The following CLEC6A variants were observed in gnomAD, a reference collection of about 807,000 sequenced individuals.
CLEC6A encodes C-type lectin domain family 6 member A.
Under a neutral mutation model 25.7 loss-of-function variants are expected in CLEC6A, and 22 were observed. The observed-to-expected ratio is 0.85, with a 90% CI of 0.61 to 1.22. The LOEUF is 1.22. Among genes scored for constraint, CLEC6A ranks in the 50% most tolerant of loss-of-function variants. The pLI, the probability that CLEC6A is intolerant of heterozygous loss-of-function variation, is 0.00. For missense variants in CLEC6A, 240 were observed against 236.8 expected, an observed-to-expected ratio of 1.01 and a Z score of -0.09; for synonymous variants, 92 against 76.7, an observed-to-expected ratio of 1.20 and a Z score of -1.04.
chr12:8,474,950 G>A (rs971672414), intron 4 of CLEC6A, among the ~76,000 whole-genome samples: 3 of 151,858 alleles, frequency 2.0e-5, no homozygotes, highest in African/African-American at 7.3e-5. Flanking sequence ...TTGTTACATA[G>A]GTATACATGT....
At position 8,459,664 on chromosome 12, in the gene CLEC6A, T is replaced by A; in HGVS notation, c.189T>A (p.Ser63Arg). The change falls in exon 3 of 6, where the codon AGT (serine) becomes AGA (arginine). Residue 63 changes from serine (S) to arginine (R), a missense_variant. Coordinates refer to ENST00000382073, the MANE Select transcript of CLEC6A (RefSeq NM_001007033.2). ...RLSELHSYHS[S>R]LTCFSEGTKV... is the part of the protein sequence containing the mutation. Reference sequence around the variant, plus strand: ...CTGAACTACACTCATATCATTCAAGTCTCACCTGCTTCAGTGAAGGGACAA... The same window carrying A: ...CTGAACTACACTCATATCATTCAAGACTCACCTGCTTCAGTGAAGGGACAA... 2 of 1,613,310 alleles carry A rather than the reference T, an allele frequency of 1.2e-6. No homozygotes were observed. Among genetic ancestry groups the A allele is most frequent in the Non-Finnish European group, 1.7e-6 (2 of 1,179,242 alleles).
At chr12:8,456,699 A>G (rs150116413) in intron 1 of CLEC6A, among the ~76,000 whole-genome samples, 1 of 152,350 alleles carries the variant, frequency 6.6e-6, no homozygotes, top group African/African-American at 2.4e-5. Flanking sequence ...ACACAAGAAT[A>G]TGATGCGTAA....
At chr12:8,460,862 G>T in intron 3 of CLEC6A, 2 of 899,348 alleles carry the variant, frequency 2.2e-6, no homozygotes, top group Non-Finnish European at 1.9e-6. Flanking sequence ...ACAACTTACC[G>T]CAAGCCTGTC....
chr12:8,475,386 G>A (rs768015390), intron 4 of CLEC6A, among the ~76,000 whole-genome samples: 1 of 151,566 alleles, frequency 6.6e-6, no homozygotes, highest in East Asian at 1.9e-4. Context: ...ACACTCATAT[G>A]TATATATGAA....
In CLEC6A at chr12:8,460,835, G is replaced by T; in HGVS notation, c.223+1137G>T. Reference sequence around the variant, plus strand: ...CGTGTTAGCCCTGGTGGCCAAAAACGCCCAGTTCCTAAGGGTACAACTTAC... The same window carrying T: ...CGTGTTAGCCCTGGTGGCCAAAAACTCCCAGTTCCTAAGGGTACAACTTAC... On this transcript the variant is annotated intron_variant, in intron 3 of 5. Coordinates refer to ENST00000382073, the MANE Select transcript of CLEC6A (RefSeq NM_001007033.2). 5.0e-6 allele frequency: 5 copies of T among 1,003,712 alleles called. No homozygotes were observed. The East Asian group carries it at 7.1e-5, about 14-fold the overall frequency. The allele number at this position is 1,003,712 out of a possible 1,614,324, so 62.2% of individuals were successfully genotyped here. A position where few individuals can be genotyped will look rare whatever the true frequency, so the allele number is the denominator to read the frequency against.
At chr12:8,466,333 T>C (rs1404577903) in intron 4 of CLEC6A, among the ~76,000 whole-genome samples, 1 of 152,252 alleles carries the variant, frequency 6.6e-6, no homozygotes, top group African/African-American at 2.4e-5. Flanking sequence ...TTGTGAATAA[T>C]TGTGCAATGA....
chr12:8,459,740 G>T lies in CLEC6A; in HGVS notation c.223+42G>T, dbSNP rs10770736. The T allele has an allele frequency of 6.6e-4, 863 of 1,305,904 alleles. 3 individuals are homozygous for T. The highest frequency in any genetic ancestry group is 8.6e-4 in the Non-Finnish European group (774 of 899,904). 80.9% of individuals were successfully genotyped at this position (1,305,904 alleles called of 1,614,324 possible). A position where few individuals can be genotyped will look rare whatever the true frequency, so the allele number is the denominator to read the frequency against. ...CTGAAATAGACTTTCTTTTTTCTCAGGGAGAGATCAGGGTTGAGCTCAAGA... is the reference window on the plus strand; with the variant it reads ...CTGAAATAGACTTTCTTTTTTCTCATGGAGAGATCAGGGTTGAGCTCAAGA... On this transcript the variant is annotated intron_variant, in intron 3 of 5. Transcript: ENST00000382073.
chr12:8,476,728 C>A (rs945166096), intron 5 of CLEC6A, among the ~76,000 whole-genome samples: 1 of 151,978 alleles, frequency 6.6e-6, no homozygotes, highest in Non-Finnish European at 1.5e-5. Context: ...AGTTAGGGAC[C>A]TTATTATAAT....
intron 2 of CLEC6A, 110 bp downstream of exon 2, chr12:8,458,097 T>A (rs1939702494): frequency 1.5e-6 from 1 of 674,450 alleles, no homozygotes; most frequent in African/African-American, 1.8e-5. Flanking sequence ...AGCTCTTACT[T>A]GGAATGCCAC....
intron 3 of CLEC6A, chr12:8,461,060 C>T: frequency 6.3e-7 from 1 of 1,594,976 alleles, no homozygotes; most frequent in Non-Finnish European, 8.5e-7. Context: ...AATCCTGACA[C>T]CCAGTGGATC....
At chr12:8,468,405 G>C (rs1237013912) in intron 4 of CLEC6A, among the ~76,000 whole-genome samples, 1 of 152,166 alleles carries the variant, frequency 6.6e-6, no homozygotes, top group Non-Finnish European at 1.5e-5. Context: ...TTTAGGGTTT[G>C]TTACATATAA....
At chr12:8,460,373 T>C (rs1939736295) in intron 3 of CLEC6A, among the ~76,000 whole-genome samples, 1 of 152,216 alleles carries the variant, frequency 6.6e-6, no homozygotes, top group East Asian at 1.9e-4. Flanking sequence ...CCAAGTGAGA[T>C]GGGTTTCCTC....
At chr12:8,456,878 G>T (rs1459776214) in intron 1 of CLEC6A, among the ~76,000 whole-genome samples, 5 of 152,142 alleles carry the variant, frequency 3.3e-5, no homozygotes, top group Non-Finnish European at 7.4e-5. Context: ...GGGAGGCTGA[G>T]GTGGGTGGAT....
chr12:8,461,111 C>T (rs1939748190), intron 3 of CLEC6A: 3 of 1,594,568 alleles, frequency 1.9e-6, no homozygotes, highest in East Asian at 2.2e-5. Context: ...TGTGGGCTGA[C>T]ATCTGCAGGC....
chr12:8,460,280 G>A (rs377327117), intron 3 of CLEC6A, among the ~76,000 whole-genome samples: 145 of 152,352 alleles, frequency 9.5e-4, no homozygotes, highest in African/African-American at 3.0e-3. Context: ...ACAGTTCCAC[G>A]TGGCTGGGGA....
intron 5 of CLEC6A, 25 bp from the exon 6 acceptor site, chr12:8,477,295 G>T (rs766677073): frequency 3.8e-6 from 6 of 1,593,462 alleles, no homozygotes; most frequent in Middle Eastern, 1.7e-4. Flanking sequence ...TTGAAGATGT[G>T]TACTACCTTT....
chr12:8,456,254 T>A, intron 1 of CLEC6A, 112 bp downstream of exon 1: 1 of 970,998 alleles, frequency 1.0e-6, no homozygotes, highest in Non-Finnish European at 1.6e-6. Flanking sequence ...TGGACCAATA[T>A]AGTAGACTCA....
chr12:8,457,234 AC>A (rs764062480), intron 1 of CLEC6A, among the ~76,000 whole-genome samples: 1 of 152,048 alleles, frequency 6.6e-6, no homozygotes, highest in Non-Finnish European at 1.5e-5. Context: ...TTCCCAGTTA[AC>A]CTTCCTGGCC....
chr12:8,475,347 T>C (rs1237763574), intron 4 of CLEC6A, among the ~76,000 whole-genome samples: 3 of 1,392 alleles, frequency 2.2e-3, no homozygotes, highest in African/African-American at 2.4e-3. Flanking sequence ...TATATGTATG[T>C]GTGTGTGTGT....
Sources: gnomAD v4.1 joint callset for allele counts (sites outside exome capture counted in the v4.1 genomes callset) on GRCh38, gnomAD v4.1.1 for gene constraint, MANE v1.5 for transcripts, NCBI Gene and HGNC (gene_info 2026-07-23, HGNC 2026-07-21) for gene names.